The following TRPM3 variants were observed in gnomAD, a reference collection of about 807,000 sequenced individuals.
TRPM3 encodes the protein long transient receptor potential channel 3.
In TRPM3, 77 loss-of-function variants were observed where a neutral mutation model predicts 181.2. The ratio of observed to expected loss-of-function variants is 0.42; its 90% CI spans 0.35 to 0.51. The LOEUF is 0.51. Ranked by LOEUF, TRPM3 falls within the 20% of genes least tolerant of loss-of-function variation. TRPM3 has a pLI of 0.01. For missense variants in TRPM3, 1,759 were observed against 2,196.7 expected, an observed-to-expected ratio of 0.80 and a Z score of 3.98; for synonymous variants, 745 against 796.4, an observed-to-expected ratio of 0.94 and a Z score of 1.09.
At chr9:70,613,793 A>G (rs1160945211) in intron 18 of TRPM3, among the ~76,000 whole-genome samples, 1 of 152,142 alleles carries the variant, frequency 6.6e-6, no homozygotes, top group African/African-American at 2.4e-5. Flanking sequence ...CTCTTAGTCT[A>G]GAGATGCATC....
At chr9:70,629,001 T>G (rs963139722) in intron 12 of TRPM3, among the ~76,000 whole-genome samples, 1 of 151,724 alleles carries the variant, frequency 6.6e-6, no homozygotes, top group Non-Finnish European at 1.5e-5. Context: ...TTGGGAGTTG[T>G]CAGGAAAGTG....
chr9:71,185,833 AAAGAATC>A (rs1460981001), intron 1 of TRPM3, among the ~76,000 whole-genome samples: 3 of 152,074 alleles, frequency 2.0e-5, no homozygotes, highest in Admixed American at 6.6e-5. Flanking sequence ...GTGCATGTGA[AAAGAATC>A]ATAATCACAT....
chr9:71,147,661 T>C (rs2075498018), intron 1 of TRPM3, among the ~76,000 whole-genome samples: 1 of 152,176 alleles, frequency 6.6e-6, no homozygotes, highest in Admixed American at 6.5e-5. Context: ...CAGGTTAAGA[T>C]AACATTTTGG....
chr9:70,812,236 G>A (rs998379457), intron 6 of TRPM3, among the ~76,000 whole-genome samples: 4 of 152,208 alleles, frequency 2.6e-5, no homozygotes, highest in Non-Finnish European at 5.9e-5. Context: ...GACTTTGAGA[G>A]CAGCCTCACT....
chr9:70,587,501 G>C (rs993267022), intron 22 of TRPM3, among the ~76,000 whole-genome samples: 3 of 152,172 alleles, frequency 2.0e-5, no homozygotes, highest in African/African-American at 7.2e-5. Flanking sequence ...TCACACACCA[G>C]AATGCAGAAC....
At chr9:71,083,147 A>T (rs1324090257) in intron 1 of TRPM3, among the ~76,000 whole-genome samples, 2 of 152,096 alleles carry the variant, frequency 1.3e-5, no homozygotes, top group Non-Finnish European at 2.9e-5. Flanking sequence ...CTCTTGGAAC[A>T]TACAGAGATT....
At chr9:71,107,269 A>G (rs966469349) in intron 1 of TRPM3, among the ~76,000 whole-genome samples, 1 of 152,128 alleles carries the variant, frequency 6.6e-6, no homozygotes, top group Admixed American at 6.5e-5. Flanking sequence ...AATAATCTCT[A>G]GCATGCGTCC....
chr9:71,358,358 T>G (rs1381955751), intron 1 of TRPM3, among the ~76,000 whole-genome samples: 1 of 152,154 alleles, frequency 6.6e-6, no homozygotes, highest in Non-Finnish European at 1.5e-5. Flanking sequence ...TCTAGATCAA[T>G]TGGAAAATCA....
At chr9:70,948,872 G>A (rs1331164744) in intron 1 of TRPM3, among the ~76,000 whole-genome samples, 1 of 152,126 alleles carries the variant, frequency 6.6e-6, no homozygotes, top group Non-Finnish European at 1.5e-5. Flanking sequence ...AATGCAGGAA[G>A]ATGCTAAGTT....
intron 1 of TRPM3, among the ~76,000 whole-genome samples, chr9:71,070,533 AAAC>A (rs2062619083): frequency 6.6e-6 from 1 of 152,252 alleles, no homozygotes. Flanking sequence ...AAAAAAATCT[AAAC>A]AACACAAAAT....
At chr9:70,841,129 T>C (rs1348878320) in intron 5 of TRPM3, among the ~76,000 whole-genome samples, 1 of 152,124 alleles carries the variant, frequency 6.6e-6, no homozygotes, top group Non-Finnish European at 1.5e-5. Flanking sequence ...ACATATTTGT[T>C]CTAGTGCAAA....
rs2065438238 is a variant in TRPM3 at position 70,681,548 on chromosome 9, G to A, written c.1303C>T (p.His435Tyr). The A allele has an allele frequency of 6.2e-7, 1 of 1,613,848 alleles. No homozygotes were observed. Among genetic ancestry groups the A allele is most frequent in the Non-Finnish European group, 8.5e-7 (1 of 1,179,804 alleles). Residue 435 changes from histidine (H) to tyrosine (Y), a missense_variant, in exon 9 of 26, where the codon CAC (histidine) becomes TAC (tyrosine). Around this residue, in one of 8 missense-constraint regions of TRPM3, gnomAD observed 737 missense variants for 957.4 expected, o/e 0.77. Coordinates refer to ENST00000677713, the MANE Select transcript of TRPM3 (RefSeq NM_001366145.2). ...AGGATAGCCAAATCAATGTCCTGGT[G>A]TCCTTCTGATCCCATCCGAAATACC... The part of the protein sequence containing the change: ...ITVFRMGSEG[H>Y]QDIDLAILTA...
intron 1 of TRPM3, among the ~76,000 whole-genome samples, chr9:71,199,311 C>T (rs1196237605): frequency 2.0e-5 from 3 of 152,088 alleles, no homozygotes; most frequent in Non-Finnish European, 4.4e-5. Flanking sequence ...CAATATTCAT[C>T]AAGGATATTG....
chr9:70,535,344 C>T lies in TRPM3; in HGVS notation c.*609G>A, dbSNP rs1355209688. 3.4e-6 allele frequency: 5 copies of T among 1,450,444 alleles called. No individual in the cohort carries two copies. The highest frequency in any genetic ancestry group is 1.4e-5 in the African/African-American group (1 of 70,902). The allele number at this position is 1,450,444 out of a possible 1,614,324, so 89.8% of individuals were successfully genotyped here. On this transcript the variant is annotated 3_prime_UTR_variant, in exon 26 of 26. Coordinates refer to ENST00000677713, the MANE Select transcript of TRPM3 (RefSeq NM_001366145.2). Reference sequence around the variant, plus strand: ...GAGACAGGTGAACTATGACTGTTACCTTGTTTTTTCTTTATAATGATCAAT... The same window carrying T: ...GAGACAGGTGAACTATGACTGTTACTTTGTTTTTTCTTTATAATGATCAAT...
At chr9:71,328,480 C>T (rs1325114679) in intron 1 of TRPM3, among the ~76,000 whole-genome samples, 1 of 152,134 alleles carries the variant, frequency 6.6e-6, no homozygotes, top group Non-Finnish European at 1.5e-5. Context: ...TCTCTTTTAT[C>T]TTCCCCACAT....
chr9:70,586,079 C>A (rs116647603), intron 22 of TRPM3, among the ~76,000 whole-genome samples: 2 of 152,260 alleles, frequency 1.3e-5, no homozygotes, highest in Non-Finnish European at 2.9e-5. Context: ...TCATATCGAG[C>A]GGCTCAGCTC....
intron 1 of TRPM3, among the ~76,000 whole-genome samples, chr9:70,872,748 T>G (rs2095809527): frequency 6.6e-6 from 1 of 151,958 alleles, no homozygotes; most frequent in South Asian, 2.1e-4. Flanking sequence ...GATCTGATGT[T>G]GCCCCAGATG....
chr9:71,033,330 C>A (rs1055407469), intron 1 of TRPM3, among the ~76,000 whole-genome samples: 16 of 152,202 alleles, frequency 1.1e-4, no homozygotes, highest in African/African-American at 3.9e-4. Flanking sequence ...TACTTCTTCA[C>A]TTAATGTCAT....
chr9:71,039,857 T>C (rs1012699059), intron 1 of TRPM3, among the ~76,000 whole-genome samples: 12 of 152,176 alleles, frequency 7.9e-5, no homozygotes, highest in African/African-American at 1.2e-4. Context: ...TAGTATTACA[T>C]CCTGTATCTG....
Sources: allele counts gnomAD v4.1 joint callset (sites outside exome capture counted in the v4.1 genomes callset), GRCh38; gene constraint gnomAD v4.1.1; regional missense constraint gnomAD v4.1.1; transcripts MANE v1.5; gene names NCBI Gene and HGNC (gene_info 2026-07-23, HGNC 2026-07-21).